The following ABTB3 variants were observed in gnomAD, a reference collection of about 807,000 sequenced individuals.
The protein encoded by ABTB3 is ankyrin repeat and BTB domain containing 3.
the ABTB3 span, among the ~76,000 whole-genome samples, chr12:107,431,910 G>T: frequency 6.6e-6 from 1 of 152,186 alleles, no homozygotes; most frequent in Non-Finnish European, 1.5e-5. Context: ...AACATGGGCC[G>T]TCCAGGGAAT....
the ABTB3 span, among the ~76,000 whole-genome samples, chr12:107,456,943 T>C: frequency 6.6e-6 from 1 of 151,986 alleles, no homozygotes; most frequent in African/African-American, 2.4e-5. Flanking sequence ...CACTGCAGCC[T>C]CCACCTCTTG....
the ABTB3 span, chr12:107,319,938 A>G: frequency 3.2e-6 from 5 of 1,543,970 alleles, no homozygotes; most frequent in East Asian, 1.3e-4. Context: ...GCCAACCACC[A>G]CCATCACCAC....
the ABTB3 span, among the ~76,000 whole-genome samples, chr12:107,444,890 G>A: frequency 6.6e-6 from 1 of 152,170 alleles, no homozygotes; most frequent in African/African-American, 2.4e-5. Flanking sequence ...CTCAGAGGCT[G>A]GGAGGGTAGG....
At chr12:107,329,100 G>T in the ABTB3 span, among the ~76,000 whole-genome samples, 1 of 152,130 alleles carries the variant, frequency 6.6e-6, no homozygotes, top group South Asian at 2.1e-4. Context: ...AGCTGGGTGG[G>T]CTCAGTGCCA....
At chr12:107,623,358 C>CTTTTT in the ABTB3 span, among the ~76,000 whole-genome samples, 3 of 69,624 alleles carry the variant, frequency 4.3e-5, no homozygotes, top group African/African-American at 5.8e-5. Flanking sequence ...CACGCCTGGC[C>CTTTTT]TTTTTTTTTT....
the ABTB3 span, among the ~76,000 whole-genome samples, chr12:107,326,195 G>A: frequency 3.9e-5 from 6 of 152,188 alleles, no homozygotes; most frequent in African/African-American, 7.2e-5. Context: ...ATGAGCCCCC[G>A]TGCCTAGCCT....
At chr12:107,567,175 C>A in the ABTB3 span, among the ~76,000 whole-genome samples, 1 of 152,232 alleles carries the variant, frequency 6.6e-6, no homozygotes, top group Non-Finnish European at 1.5e-5. Context: ...TTGACCTGTG[C>A]TCAGAGTAGT....
chr12:107,585,860 C>T, the ABTB3 span, among the ~76,000 whole-genome samples: 1 of 152,164 alleles, frequency 6.6e-6, no homozygotes, highest in African/African-American at 2.4e-5. Flanking sequence ...AGAACAAGAT[C>T]GTCCAGATAA....
the ABTB3 span, among the ~76,000 whole-genome samples, chr12:107,446,412 A>T: frequency 3.9e-5 from 6 of 152,144 alleles, no homozygotes; most frequent in Non-Finnish European, 7.4e-5. Flanking sequence ...CTCCATGCTG[A>T]TGGGGAGGGG....
At chr12:107,379,423 G>T in the ABTB3 span, among the ~76,000 whole-genome samples, 1 of 152,146 alleles carries the variant, frequency 6.6e-6, no homozygotes, top group Non-Finnish European at 1.5e-5. Context: ...CACGAGATCT[G>T]ATGGTTTTAT....
At chr12:107,508,296 C>T in the ABTB3 span, among the ~76,000 whole-genome samples, 70 of 150,238 alleles carry the variant, frequency 4.7e-4, no homozygotes, top group Non-Finnish European at 8.4e-4. Context: ...GATGGACAGA[C>T]GGATGGATGG....
the ABTB3 span, among the ~76,000 whole-genome samples, chr12:107,517,392 C>T: frequency 6.6e-6 from 1 of 152,082 alleles, no homozygotes; most frequent in Non-Finnish European, 1.5e-5. Flanking sequence ...TAGTGTTTTC[C>T]AATTCTGTGA....
chr12:107,451,822 A>G, the ABTB3 span, among the ~76,000 whole-genome samples: 6 of 152,350 alleles, frequency 3.9e-5, no homozygotes, highest in South Asian at 6.2e-4. Flanking sequence ...ATATAACAGT[A>G]ATAATACTAT....
chr12:107,463,765 C>T, the ABTB3 span, among the ~76,000 whole-genome samples: 1 of 152,222 alleles, frequency 6.6e-6, no homozygotes, highest in African/African-American at 2.4e-5. Context: ...AGCACTCTCA[C>T]AAGGGACTTC....
chr12:107,620,193 A>G, the ABTB3 span: 3 of 1,609,796 alleles, frequency 1.9e-6, no homozygotes, highest in South Asian at 2.2e-5. Flanking sequence ...TGTTGTGGTC[A>G]TCGGCAGAGA....
the ABTB3 span, among the ~76,000 whole-genome samples, chr12:107,527,402 G>T: frequency 1.3e-5 from 2 of 152,126 alleles, no homozygotes; most frequent in African/African-American, 2.4e-5. Flanking sequence ...CTCCCAAGTA[G>T]CTGGGACTAC....
At chr12:107,321,509 T>C in the ABTB3 span, among the ~76,000 whole-genome samples, 7 of 152,110 alleles carry the variant, frequency 4.6e-5, no homozygotes, top group African/African-American at 1.4e-4. Context: ...GAATCCGCAC[T>C]GATCTCGGAG....
the ABTB3 span, among the ~76,000 whole-genome samples, chr12:107,613,641 C>G: frequency 2.6e-5 from 4 of 152,126 alleles, no homozygotes; most frequent in Non-Finnish European, 5.9e-5. Context: ...AGGTTTGGAA[C>G]TCAGTTAATA....
At chr12:107,366,344 T>C in the ABTB3 span, among the ~76,000 whole-genome samples, 1 of 152,098 alleles carries the variant, frequency 6.6e-6, no homozygotes, top group Non-Finnish European at 1.5e-5. Context: ...ATTATTCTCC[T>C]GAGAATAGAA....
Sources: allele counts gnomAD v4.1 joint callset (sites outside exome capture counted in the v4.1 genomes callset), GRCh38; gene constraint gnomAD v4.1.1; transcripts MANE v1.5; gene names NCBI Gene and HGNC (gene_info 2026-07-23, HGNC 2026-07-21).